DRC11: variants seen among roughly 807,000 people sequenced by gnomAD.
DRC11 encodes the protein dynein regulatory complex subunit 11.
At chr2:236,316,173 C>G in the DRC11 span, among the ~76,000 whole-genome samples, 2 of 147,588 alleles carry the variant, frequency 1.4e-5, no homozygotes, top group Non-Finnish European at 2.9e-5. This position sits in a 1 kb window ranked among gnomAD's most constrained non-coding sequence, Gnocchi z 6.8. Flanking sequence ...CTCTCTCTCT[C>G]TCTTTTTGAG....
At chr2:236,376,205 T>G in the DRC11 span, among the ~76,000 whole-genome samples, 4 of 152,316 alleles carry the variant, frequency 2.6e-5, no homozygotes, top group Admixed American at 1.3e-4. This position sits in a 1 kb window ranked among gnomAD's most constrained non-coding sequence, Gnocchi z 5.7. Context: ...ATGACACACA[T>G]TCAATTGAGA....
At chr2:236,491,135 A>ACACAG in the DRC11 span, among the ~76,000 whole-genome samples, 1 of 109,044 alleles carries the variant, frequency 9.2e-6, no homozygotes, top group East Asian at 2.3e-4. Flanking sequence ...ATATATATAT[A>ACACAG]TATACAGTAT....
At chr2:236,399,312 G>T in the DRC11 span, 1 of 960,016 alleles carries the variant, frequency 1.0e-6, no homozygotes, top group Non-Finnish European at 1.7e-6. The surrounding 1 kb of genome is among the most constrained non-coding windows in gnomAD (Gnocchi z 7.0). Context: ...ATAGAGACAG[G>T]CAGAATGTCT....
the DRC11 span, among the ~76,000 whole-genome samples, chr2:236,441,736 C>T: frequency 6.1e-3 from 928 of 152,194 alleles, 10 homozygotes; most frequent in African/African-American, 0.021. Flanking sequence ...ATTTATTGTA[C>T]GTAAGACTAT....
chr2:236,362,993 A>G, the DRC11 span, among the ~76,000 whole-genome samples: 1 of 152,190 alleles, frequency 6.6e-6, no homozygotes, highest in Admixed American at 6.5e-5. The surrounding 1 kb of genome is among the most constrained non-coding windows in gnomAD (Gnocchi z 5.7). Flanking sequence ...GTTGATGAGC[A>G]TCTCTCATGC....
the DRC11 span, among the ~76,000 whole-genome samples, chr2:236,377,560 C>T: frequency 6.4e-3 from 976 of 152,284 alleles, 8 homozygotes; most frequent in African/African-American, 0.023. This position sits in a 1 kb window ranked among gnomAD's most constrained non-coding sequence, Gnocchi z 4.9. Flanking sequence ...CGGCTAGCAT[C>T]TTCAAGCTGT....
At chr2:236,407,143 G>A in the DRC11 span, among the ~76,000 whole-genome samples, 1 of 152,188 alleles carries the variant, frequency 6.6e-6, no homozygotes, top group African/African-American at 2.4e-5. Flanking sequence ...TCATGGCTTT[G>A]AGGGCTGCAG....
At chr2:236,408,300 A>G in the DRC11 span, 2 of 805,594 alleles carry the variant, frequency 2.5e-6, no homozygotes, top group South Asian at 2.7e-5. The surrounding 1 kb of genome is among the most constrained non-coding windows in gnomAD (Gnocchi z 5.5). Context: ...CACAGGCAGG[A>G]TGCCATGCCC....
At chr2:236,338,337 G>A in the DRC11 span, 4 of 1,613,912 alleles carry the variant, frequency 2.5e-6, no homozygotes, top group Non-Finnish European at 3.4e-6. Context: ...GGTTTCAGGA[G>A]TTTCAGGATT....
the DRC11 span, among the ~76,000 whole-genome samples, chr2:236,357,669 TAA>T: frequency 3.2e-4 from 39 of 122,814 alleles, 1 homozygote; most frequent in South Asian, 7.0e-3. Flanking sequence ...TCATAATACA[TAA>T]ATATATATTT....
At chr2:236,415,155 C>A in the DRC11 span, among the ~76,000 whole-genome samples, 30 of 152,098 alleles carry the variant, frequency 2.0e-4, no homozygotes, top group African/African-American at 4.6e-4. This position sits in a 1 kb window ranked among gnomAD's most constrained non-coding sequence, Gnocchi z 5.7. Flanking sequence ...ATTATCCTAT[C>A]TAATCCTATC....
the DRC11 span, among the ~76,000 whole-genome samples, chr2:236,498,624 C>T: frequency 6.6e-6 from 1 of 152,148 alleles, no homozygotes; most frequent in Non-Finnish European, 1.5e-5. Flanking sequence ...CTCTTGTCCA[C>T]ACCCTGGCGA....
chr2:236,394,940 T>C, the DRC11 span, among the ~76,000 whole-genome samples: 29,044 of 152,104 alleles, frequency 0.19, 3,000 homozygotes, highest in Non-Finnish European at 0.22. The surrounding 1 kb of genome is among the most constrained non-coding windows in gnomAD (Gnocchi z 7.0). Context: ...GCAAGGGCAG[T>C]TGGGCAGGTT....
At chr2:236,354,431 T>C in the DRC11 span, among the ~76,000 whole-genome samples, 43 of 152,058 alleles carry the variant, frequency 2.8e-4, 1 homozygote, top group East Asian at 1.6e-3. Context: ...TGGGAAGGTG[T>C]TGGATGGTGG....
chr2:236,498,053 T>C, the DRC11 span, among the ~76,000 whole-genome samples: 1 of 152,146 alleles, frequency 6.6e-6, no homozygotes, highest in African/African-American at 2.4e-5. Context: ...AATTGTAGTA[T>C]ATACACCAAT....
At chr2:236,421,468 G>C in the DRC11 span, among the ~76,000 whole-genome samples, 1 of 145,510 alleles carries the variant, frequency 6.9e-6, no homozygotes, top group East Asian at 1.9e-4. Flanking sequence ...AGAAGAAATG[G>C]ATAAATTCCT....
chr2:236,498,911 G>A, the DRC11 span, among the ~76,000 whole-genome samples: 1 of 152,176 alleles, frequency 6.6e-6, no homozygotes, highest in Admixed American at 6.5e-5. Context: ...AAAGTGAACT[G>A]GAAAGTCAGT....
At chr2:236,418,202 G>C in the DRC11 span, among the ~76,000 whole-genome samples, 1 of 152,222 alleles carries the variant, frequency 6.6e-6, no homozygotes, top group Non-Finnish European at 1.5e-5. Flanking sequence ...CAGTGTAAAA[G>C]TGTTCCTATT....
chr2:236,322,359 C>T, the DRC11 span, among the ~76,000 whole-genome samples: 25 of 151,836 alleles, frequency 1.6e-4, no homozygotes, highest in South Asian at 2.9e-3. Context: ...CTCAGCCTCC[C>T]GAGTAGCTGG....
Sources: gnomAD v4.1 joint callset for allele counts (sites outside exome capture counted in the v4.1 genomes callset) on GRCh38, gnomAD v4.1.1 for gene constraint, Gnocchi (gnomAD v3.1) non-coding constraint, MANE v1.5 for transcripts, NCBI Gene and HGNC (gene_info 2026-07-23, HGNC 2026-07-21) for gene names.